Variants in ADAM19 observed in about 807,000 individuals in gnomAD.
ADAM19 encodes ADAM metallopeptidase domain 19.
A neutral mutation model predicts 114.7 loss-of-function variants in ADAM19; 65 were observed. The ratio of observed to expected loss-of-function variants is 0.57; its 90% CI spans 0.46 to 0.70. The LOEUF is 0.70. Among genes scored for constraint, ADAM19 ranks in the 30% least tolerant of loss-of-function variants. ADAM19 has a pLI of 0.00. For synonymous variants in ADAM19, 466 were observed against 460.5 expected (o/e 1.01, Z -0.15); for missense variants, 1,063 against 1,204.7 (o/e 0.88, Z 1.74).
intron 2 of ADAM19, chr5:157,569,043 C>T (rs1757748411): frequency 6.6e-6 from 1 of 152,134 alleles, no homozygotes; most frequent in Admixed American, 6.5e-5. Context: ...AGGTCCATTC[C>T]TCAGGGGGTA....
rs537636468 is a variant in ADAM19 at position 157,566,886 on chromosome 5, G to A, written c.181-2443C>T. 1.1e-4 allele frequency among the ~76,000 whole-genome samples: 17 copies of A among 152,240 alleles called. No homozygotes were observed. The South Asian group carries it at 3.3e-3, about 30-fold the overall frequency. On this transcript the variant is annotated intron_variant, in intron 2 of 22. Coordinates refer to ENST00000257527, the MANE Select transcript of ADAM19 (RefSeq NM_033274.5). ...GGGGTATTACCATGTTTCCAAAGCT[G>A]ATCTTGAACTCCTGGGCTCATGTGA...
chr5:157,503,065 C>T (rs1046915761), intron 11 of ADAM19, 85 bp from the exon 12 acceptor site: 14 of 1,333,604 alleles, frequency 1.0e-5, no homozygotes, highest in Non-Finnish European at 1.5e-5. Context: ...ACTCCTGCTA[C>T]CCGTGGGGCT....
In ADAM19 at chr5:157,480,214, A is replaced by T; in HGVS notation, c.*735T>A. On this transcript the variant is annotated 3_prime_UTR_variant, in exon 23 of 23. Transcript: ENST00000257527. ...AACAAAGAGCAACTAAAAATTATCC[A>T]GAGTCAGGAGTCGCAACCTTTGGCA... 1 of 986,100 alleles carries T rather than the reference A, an allele frequency of 1.0e-6. No homozygotes were observed. The highest frequency in any genetic ancestry group is 1.2e-6 in the Non-Finnish European group (1 of 830,016). 61.1% of individuals were successfully genotyped at this position (986,100 alleles called of 1,614,324 possible).
intron 21 of ADAM19, among the ~76,000 whole-genome samples, chr5:157,482,893 C>T (rs1346453387): frequency 2.0e-5 from 3 of 152,180 alleles, no homozygotes; most frequent in Non-Finnish European, 4.4e-5. Context: ...AGGATGAGTT[C>T]ATGTCCTTTG....
intron 3 of ADAM19, among the ~76,000 whole-genome samples, chr5:157,552,381 G>A (rs1041599284): frequency 8.2e-5 from 12 of 145,568 alleles, no homozygotes; most frequent in African/African-American, 3.0e-4. Flanking sequence ...GCCAGGCACG[G>A]TGGCTCATGC....
intron 5 of ADAM19, among the ~76,000 whole-genome samples, chr5:157,527,072 G>T (rs1268720466): frequency 1.3e-5 from 2 of 152,190 alleles, no homozygotes; most frequent in African/African-American, 2.4e-5. Flanking sequence ...ATAAAGGAAA[G>T]AGGTTTAATT....
chr5:157,544,883 G>A (rs1490463353), intron 3 of ADAM19, among the ~76,000 whole-genome samples: 9 of 152,168 alleles, frequency 5.9e-5, no homozygotes, highest in Non-Finnish European at 1.3e-4. Context: ...AAAGACGAAT[G>A]TAAGAGGGTA....
At chr5:157,564,512 A>ATC in intron 2 of ADAM19, 69 bp from the exon 3 acceptor site, 1 of 1,323,860 alleles carries the variant, frequency 7.6e-7, no homozygotes, top group Non-Finnish European at 1.1e-6. Context: ...CGGGCACAGG[A>ATC]TCTAGCACAG....
At chr5:157,526,778 A>C (rs1391577339) in intron 5 of ADAM19, among the ~76,000 whole-genome samples, 4 of 151,944 alleles carry the variant, frequency 2.6e-5, no homozygotes, top group Non-Finnish European at 5.9e-5. Flanking sequence ...GCAACACCAC[A>C]CATGGCTAAT....
chr5:157,505,348 T>A (rs1420974815), intron 11 of ADAM19, among the ~76,000 whole-genome samples: 1 of 152,098 alleles, frequency 6.6e-6, no homozygotes, highest in Non-Finnish European at 1.5e-5. Context: ...GCTGTGGCTA[T>A]GATCAAAATG....
intron 3 of ADAM19, among the ~76,000 whole-genome samples, chr5:157,546,477 G>C (rs1444340870): frequency 6.6e-6 from 1 of 152,122 alleles, no homozygotes; most frequent in African/African-American, 2.4e-5. Context: ...TCTTACCCAA[G>C]CCCCAAATCT....
At chr5:157,558,680 G>A (rs1757427811) in intron 3 of ADAM19, among the ~76,000 whole-genome samples, 2 of 152,176 alleles carry the variant, frequency 1.3e-5, no homozygotes, top group South Asian at 4.1e-4. Flanking sequence ...GAGGAAGCTG[G>A]GAGGGTGGAG....
At chr5:157,529,039 C>T (rs1756552735) in intron 5 of ADAM19, among the ~76,000 whole-genome samples, 1 of 152,212 alleles carries the variant, frequency 6.6e-6, no homozygotes, top group African/African-American at 2.4e-5. Context: ...CATATCTTCC[C>T]AATTCTGCCT....
intron 9 of ADAM19, among the ~76,000 whole-genome samples, chr5:157,508,543 T>C (rs1403696951): frequency 6.6e-6 from 1 of 150,922 alleles, no homozygotes; most frequent in African/African-American, 2.4e-5. Context: ...GAGGTTGCAG[T>C]GAGCCGAGAT....
In ADAM19 at chr5:157,488,306, T is replaced by C; in HGVS notation, c.2509A>G (p.Ser837Gly). ...TTTGGTGCGGGGGGAATTGGCCGGCTTGGAGGAGGCCTCCTGGACGACTCC... is the reference window on the plus strand; with the variant it reads ...TTTGGTGCGGGGGGAATTGGCCGGCCTGGAGGAGGCCTCCTGGACGACTCC... ...RTESSRRPPP[S>G]RPIPPAPNCI... Residue 837 changes from serine (S) to glycine (G), a missense_variant, in exon 21 of 23, where the codon AGC (serine) becomes GGC (glycine). Transcript: ENST00000257527. 6.2e-7 allele frequency: 1 copy of C among 1,614,088 alleles called. No individual in the cohort carries two copies. Among genetic ancestry groups the C allele is most frequent in the Non-Finnish European group, 8.5e-7 (1 of 1,179,956 alleles).
rs1167108482 is a variant in ADAM19, at chr5:157,502,790, T to C, written c.1308+13A>G. On this transcript the variant is annotated intron_variant, in intron 12 of 22. Coordinates refer to ENST00000257527, the MANE Select transcript of ADAM19 (RefSeq NM_033274.5). The stretch of plus-strand genomic sequence containing the variant: ...ATTCTTCCCCTCCCACTAGCACCAT[T>C]GTGACCCCTCACCTCTTCTTCTCCA... 3 of 1,612,400 alleles carry C rather than the reference T, an allele frequency of 1.9e-6. No individual in the cohort carries two copies. The highest frequency in any genetic ancestry group is 1.3e-5 in the African/African-American group (1 of 74,908).
intron 3 of ADAM19, among the ~76,000 whole-genome samples, chr5:157,562,261 T>C (rs1757529492): frequency 6.6e-6 from 1 of 152,230 alleles, no homozygotes; most frequent in Non-Finnish European, 1.5e-5. Flanking sequence ...GAGGTCATAT[T>C]GCTTGGCTCT....
rs1398358509 is a variant in ADAM19 at position 157,479,354 on chromosome 5, C to T, written c.*1595G>A. ...GGTGAATCAGAAGCTCAGCCTCAGC[C>T]TTGCAGTGAGGTTTTCAAGAGCAAA... On this transcript the variant is annotated 3_prime_UTR_variant, in exon 23 of 23. Coordinates refer to ENST00000257527, the MANE Select transcript of ADAM19 (RefSeq NM_033274.5). 3 of 985,950 alleles carry T rather than the reference C, an allele frequency of 3.0e-6. No homozygotes were observed. The highest frequency in any genetic ancestry group is 3.5e-5 in the African/African-American group (2 of 57,234). The allele number at this position is 985,950 out of a possible 1,614,324, so 61.1% of individuals were successfully genotyped here. A position where few individuals can be genotyped will look rare whatever the true frequency, so the allele number is the denominator to read the frequency against.
chr5:157,489,729 T>C lies in ADAM19; in HGVS notation c.2241-543A>G, dbSNP rs188472718. Among the ~76,000 whole-genome samples, 115 of 152,334 alleles carry C rather than the reference T, an allele frequency of 7.5e-4. 1 individual carries two copies. The highest frequency in any genetic ancestry group is 2.6e-3 in the African/African-American group (108 of 41,584). On this transcript the variant is annotated intron_variant, in intron 19 of 22. Transcript: ENST00000257527. ...GGCTGGGCATGGTGGCTCATGCTTG[T>C]AATCCCAGCATTTTGGGAGGCCAAA... is the stretch of plus-strand genomic sequence containing the variant.
Sources: gnomAD v4.1 joint callset for allele counts (sites outside exome capture counted in the v4.1 genomes callset) on GRCh38, gnomAD v4.1.1 for gene constraint, MANE v1.5 for transcripts, NCBI Gene and HGNC (gene_info 2026-07-23, HGNC 2026-07-21) for gene names.